The following STXBP4 variants were observed in gnomAD, a reference collection of about 807,000 sequenced individuals.
STXBP4 encodes the protein syntaxin binding protein 4.
Under a neutral mutation model 76.1 loss-of-function variants are expected in STXBP4, and 55 were observed. The observed-to-expected ratio is 0.72, with a 90% CI of 0.58 to 0.91. The LOEUF is 0.91. Ranked by LOEUF, STXBP4 falls within the 40% of genes least tolerant of loss-of-function variation. The pLI, the probability that STXBP4 is intolerant of heterozygous loss-of-function variation, is 0.00. For synonymous variants in STXBP4, 201 were observed against 220.2 expected, an observed-to-expected ratio of 0.91 and a Z score of 0.77; for missense variants, 618 against 636.9, an observed-to-expected ratio of 0.97 and a Z score of 0.32.
At chr17:55,177,768 T>C (rs1197600180), downstream of STXBP4, among the ~76,000 whole-genome samples, 1 of 152,236 alleles carries the variant, frequency 6.6e-6, no homozygotes, top group Non-Finnish European at 1.5e-5. Context: ...CAATGCCATA[T>C]GCCTGTAAAA....
intron 13 of STXBP4, among the ~76,000 whole-genome samples, chr17:55,076,307 T>A (rs1387349743): frequency 6.6e-6 from 1 of 152,180 alleles, no homozygotes; most frequent in Non-Finnish European, 1.5e-5. Context: ...TGTTAAGCAT[T>A]CTTACATCTC....
chr17:55,131,916 C>G (rs1168530679), intron 16 of STXBP4, among the ~76,000 whole-genome samples: 1 of 152,162 alleles, frequency 6.6e-6, no homozygotes, highest in Non-Finnish European at 1.5e-5. Flanking sequence ...GTGCATGCCA[C>G]TATGCCTGGC....
Position 55,052,943 on chromosome 17 carries a change from GTGT to G in STXBP4, c.1011+5790_1011+5792del, listed in dbSNP as rs1567739279. ...TGTGTGTGTGTGTGTGTGTGTGTGT[GTGT>G]GTGTGGGTTGTATTCTTTAGAAATG... On this transcript the variant is annotated intron_variant, in intron 12 of 17. Transcript: ENST00000376352. Among the ~76,000 whole-genome samples, 59 of 142,952 alleles carry G rather than the reference GTGT, an allele frequency of 4.1e-4. No individual in the cohort carries two copies. In the South Asian group the frequency reaches 0.013, roughly 33 times the overall value. The allele number at this position is 142,952 out of a possible 152,430, so 93.8% of individuals were successfully genotyped here.
At chr17:55,179,187 A>G in the STXBP4 span, among the ~76,000 whole-genome samples, 1 of 152,180 alleles carries the variant, frequency 6.6e-6, no homozygotes, top group Non-Finnish European at 1.5e-5. Flanking sequence ...ATTTTTCAAC[A>G]TCTTGCACAT....
chr17:55,183,704 T>G, the STXBP4 span, among the ~76,000 whole-genome samples: 1 of 152,064 alleles, frequency 6.6e-6, no homozygotes, highest in Admixed American at 6.5e-5. Context: ...AGATATACAG[T>G]GCAAAGAAAA....
At chr17:55,010,676 C>T (rs2078093622) in intron 8 of STXBP4, among the ~76,000 whole-genome samples, 1 of 152,064 alleles carries the variant, frequency 6.6e-6, no homozygotes, top group South Asian at 2.1e-4. Flanking sequence ...GATATGGATG[C>T]CATTTCGCTG....
At chr17:55,125,346 A>G (rs1410684229) in intron 16 of STXBP4, among the ~76,000 whole-genome samples, 1 of 152,130 alleles carries the variant, frequency 6.6e-6, no homozygotes, top group African/African-American at 2.4e-5. Context: ...ACATGAGACA[A>G]TTAGAGGATT....
chr17:55,115,140 G>A (rs899039866), intron 16 of STXBP4, among the ~76,000 whole-genome samples: 1 of 151,768 alleles, frequency 6.6e-6, no homozygotes, highest in African/African-American at 2.4e-5. Context: ...AACGTAAAAT[G>A]CTATTGTTTT....
At chr17:54,984,807 G>A (rs1278477004) in intron 1 of STXBP4, among the ~76,000 whole-genome samples, 1 of 152,132 alleles carries the variant, frequency 6.6e-6, no homozygotes, top group Non-Finnish European at 1.5e-5. Flanking sequence ...TTACCATTAT[G>A]TGTGTGCTCA....
At chr17:54,993,780 T>C (rs548033235) in intron 4 of STXBP4, among the ~76,000 whole-genome samples, 35 of 152,360 alleles carry the variant, frequency 2.3e-4, no homozygotes, top group African/African-American at 8.2e-4. Flanking sequence ...TGCATATGAA[T>C]GCTTTAACTT....
intron 16 of STXBP4, among the ~76,000 whole-genome samples, chr17:55,098,495 A>T (rs142798272): frequency 6.6e-6 from 1 of 152,222 alleles, no homozygotes; most frequent in African/African-American, 2.4e-5. Context: ...CAAACCCATA[A>T]ACTAGATATT....
At position 55,171,372 on chromosome 17, in the gene STXBP4, G is replaced by A. The variant is rs2080405294; in HGVS notation, c.*11461G>A. 6.6e-6 allele frequency: 1 copy of A among 152,154 alleles called. No homozygotes were observed. Among genetic ancestry groups the A allele is most frequent in the Non-Finnish European group, 1.5e-5 (1 of 68,018 alleles). The allele number at this position is 152,154 out of a possible 1,614,324, so 9.4% of individuals were successfully genotyped here. A position where few individuals can be genotyped will look rare whatever the true frequency, so the allele number is the denominator to read the frequency against. On this transcript the variant is annotated 3_prime_UTR_variant, in exon 18 of 18. Transcript: ENST00000376352. ...CAATAGCTCATCAAGATTTTGCTTAGATATTCTTATTGAGGGGGAACTTAC... is the reference window on the plus strand; with the variant it reads ...CAATAGCTCATCAAGATTTTGCTTAAATATTCTTATTGAGGGGGAACTTAC...
In STXBP4 at chr17:54,999,768, TCTC is replaced by T. The variant is rs772522428; in HGVS notation, c.430_432del (p.Pro144del). On this transcript the variant is annotated inframe_deletion, in exon 6 of 18. Transcript: ENST00000376352. ...AGCCTCAACATTAAGTCTTTTTTCT[TCTC>T]CTCCTGAAATACTAATCCCAAAGAC... 130 of 1,613,440 alleles carry T rather than the reference TCTC, an allele frequency of 8.1e-5. No homozygotes were observed. The highest frequency in any genetic ancestry group is 1.0e-4 in the Non-Finnish European group (121 of 1,179,752).
chr17:55,148,816 G>A (rs1435659850), intron 17 of STXBP4, among the ~76,000 whole-genome samples: 1 of 152,208 alleles, frequency 6.6e-6, no homozygotes, highest in Non-Finnish European at 1.5e-5. Context: ...TTACAGGCGT[G>A]AGCAAGCACC....
At chr17:55,056,835 C>T (rs1311494501) in intron 12 of STXBP4, among the ~76,000 whole-genome samples, 3 of 152,028 alleles carry the variant, frequency 2.0e-5, no homozygotes, top group Non-Finnish European at 2.9e-5. Context: ...GGAGAACCCC[C>T]GACTCTACAA....
At chr17:55,204,813 A>AACACACACACACAC in the STXBP4 span, among the ~76,000 whole-genome samples, 4 of 73,094 alleles carry the variant, frequency 5.5e-5, no homozygotes, top group Admixed American at 7.6e-4. Flanking sequence ...TTCAAGATTA[A>AACACACACACACAC]ACACACACAC....
At chr17:55,047,183 CTCGTGT>C in intron 12 of STXBP4, 29 bp downstream of exon 12, 1 of 1,243,036 alleles carries the variant, frequency 8.0e-7, no homozygotes, top group African/African-American at 2.4e-5. Flanking sequence ...TATATATGTG[CTCGTGT>C]GTGTGTGTGT....
At chr17:55,087,346 A>C (rs536402260) in intron 16 of STXBP4, among the ~76,000 whole-genome samples, 50 of 152,164 alleles carry the variant, frequency 3.3e-4, no homozygotes, top group African/African-American at 1.1e-3. Flanking sequence ...ATCTTTTCCC[A>C]GACCATTGTC....
intron 17 of STXBP4, among the ~76,000 whole-genome samples, chr17:55,142,127 A>ATT (rs2080100922): frequency 6.6e-6 from 1 of 152,190 alleles, no homozygotes; most frequent in African/African-American, 2.4e-5. Context: ...TCTGCACTAG[A>ATT]CTGTCACTGA....
Sources: gnomAD v4.1 joint callset for allele counts (sites outside exome capture counted in the v4.1 genomes callset) on GRCh38, gnomAD v4.1.1 for gene constraint, MANE v1.5 for transcripts, NCBI Gene and HGNC (gene_info 2026-07-23, HGNC 2026-07-21) for gene names.